The following FRMD4B variants were observed in gnomAD, a reference collection of about 807,000 sequenced individuals.
FRMD4B encodes the protein FERM domain-containing protein 4B.
A neutral mutation model predicts 141.5 loss-of-function variants in FRMD4B; 74 were observed. The ratio of observed to expected loss-of-function variants is 0.52; its 90% CI spans 0.43 to 0.63. FRMD4B has a LOEUF of 0.63. Ranked by LOEUF, FRMD4B falls within the 30% of genes least tolerant of loss-of-function variation. FRMD4B has a pLI of 0.00. For synonymous variants in FRMD4B, 506 were observed against 467.9 expected (o/e 1.08, Z -1.05); for missense variants, 1,366 against 1,253.4 (o/e 1.09, Z -1.36).
chr3:69,310,543 C>T (rs1262391884), intron 3 of FRMD4B: 2 of 442,726 alleles, frequency 4.5e-6, no homozygotes, highest in Non-Finnish European at 8.9e-6. Flanking sequence ...CAGACAGATA[C>T]ACACAGACAA....
At chr3:69,524,768 G>A (rs937311533) in intron 1 of FRMD4B, among the ~76,000 whole-genome samples, 2 of 152,204 alleles carry the variant, frequency 1.3e-5, no homozygotes, top group African/African-American at 4.8e-5. Context: ...TCCTCTCACA[G>A]TCCTTTAGGC....
chr3:69,279,521 A>G (rs2093633779), intron 5 of FRMD4B, among the ~76,000 whole-genome samples: 2 of 152,242 alleles, frequency 1.3e-5, no homozygotes, highest in South Asian at 4.1e-4. Flanking sequence ...GTGCAGTGAC[A>G]TGATCATGGC....
intron 1 of FRMD4B, among the ~76,000 whole-genome samples, chr3:69,484,160 AG>A (rs1184951311): frequency 1.3e-5 from 2 of 152,234 alleles, no homozygotes; most frequent in Non-Finnish European, 2.9e-5. Flanking sequence ...AAATAATCTT[AG>A]TGCATTTATT....
At chr3:69,242,799 C>G (rs1204030371) in intron 7 of FRMD4B, among the ~76,000 whole-genome samples, 1 of 151,348 alleles carries the variant, frequency 6.6e-6, no homozygotes, top group Non-Finnish European at 1.5e-5. Flanking sequence ...TCAACACCAG[C>G]CTGGCCAACA....
intron 21 of FRMD4B, among the ~76,000 whole-genome samples, chr3:69,179,358 G>A (rs1239111806): frequency 6.6e-6 from 1 of 152,108 alleles, no homozygotes; most frequent in Non-Finnish European, 1.5e-5. Flanking sequence ...CTCCTTGTTT[G>A]GTCTTTCCCT....
intron 1 of FRMD4B, among the ~76,000 whole-genome samples, chr3:69,499,287 G>T (rs376988523): frequency 5.1e-4 from 77 of 152,298 alleles, no homozygotes; most frequent in African/African-American, 1.8e-3. Context: ...GCAGTGGGAA[G>T]CCATTGATCC....
At chr3:69,519,528 G>T (rs1700818562) in intron 1 of FRMD4B, among the ~76,000 whole-genome samples, 1 of 152,120 alleles carries the variant, frequency 6.6e-6, no homozygotes, top group African/African-American at 2.4e-5. Flanking sequence ...TCATGCCTCA[G>T]GGAGCCTGCT....
chr3:69,326,762 C>G (rs950604454), intron 1 of FRMD4B, among the ~76,000 whole-genome samples: 2 of 152,194 alleles, frequency 1.3e-5, no homozygotes, highest in African/African-American at 4.8e-5. Context: ...CAGTGAAAAG[C>G]AAGATTCTCT....
chr3:69,447,995 T>C (rs1203535638), intron 1 of FRMD4B, among the ~76,000 whole-genome samples: 1 of 152,134 alleles, frequency 6.6e-6, no homozygotes, highest in East Asian at 1.9e-4. Flanking sequence ...TTATCATAAA[T>C]GCCACTCTCA....
chr3:69,298,186 T>C (rs1052986541), intron 4 of FRMD4B, among the ~76,000 whole-genome samples: 15 of 152,264 alleles, frequency 9.9e-5, no homozygotes, highest in Non-Finnish European at 1.6e-4. Context: ...GAAAACTTCT[T>C]GAGAGCAAGT....
Position 69,193,789 on chromosome 3 carries a change from C to T in FRMD4B, c.1573G>A (p.Asp525Asn). The part of the protein sequence containing the change: ...EAAKKLANEP[D>N]LCKTVKKKRK... The stretch of plus-strand genomic sequence containing the variant: ...TTTTTCTTCACAGTTTTACAAAGGT[C>T]TGGCTCATTGGCAAGTTTCTTTGCA... Residue 525 changes from aspartate to asparagine, a missense_variant, in exon 17 of 23, where the codon GAC becomes AAC. By Grantham distance (23) the Asp-to-Asn change is conservative (BLOSUM62 1). Coordinates refer to ENST00000398540, the MANE Select transcript of FRMD4B (RefSeq NM_015123.3). The T allele has an allele frequency of 6.2e-7, 1 of 1,613,728 alleles. No homozygotes were observed. Among genetic ancestry groups the T allele is most frequent in the South Asian group, 1.1e-5 (1 of 91,076 alleles).
In FRMD4B at chr3:69,520,098, TAA is replaced by T. The variant is rs1182003912; in HGVS notation, c.-129+22106_-129+22107del. ...ATATATATGATGGAATATATATATA[TAA>T]AATGGACTATATATATATGATGGAA... On this transcript the variant is annotated intron_variant, in intron 1 of 5. Coordinates refer to the FRMD4B transcript ENST00000459638. Among the ~76,000 whole-genome samples the T allele has an allele frequency of 2.0e-4, 26 of 127,524 alleles. 2 individuals are homozygous for T. Among genetic ancestry groups the T allele is most frequent in the African/African-American group, 7.4e-4 (21 of 28,222 alleles). The allele number at this position is 127,524 out of a possible 152,430, so 83.7% of individuals were successfully genotyped here.
chr3:69,514,819 T>C (rs1700726374), intron 1 of FRMD4B, among the ~76,000 whole-genome samples: 1 of 152,198 alleles, frequency 6.6e-6, no homozygotes, highest in Non-Finnish European at 1.5e-5. Flanking sequence ...AAACAATCCC[T>C]GTCAAAATCC....
chr3:69,254,479 C>T (rs1559755141), intron 5 of FRMD4B, among the ~76,000 whole-genome samples: 1 of 152,142 alleles, frequency 6.6e-6, no homozygotes, highest in Non-Finnish European at 1.5e-5. Flanking sequence ...ACAAATACCT[C>T]TCCATAGATT....
intron 1 of FRMD4B, among the ~76,000 whole-genome samples, chr3:69,351,997 G>T (rs1224673957): frequency 2.0e-5 from 3 of 152,188 alleles, no homozygotes; most frequent in Admixed American, 2.0e-4. Context: ...CCTGTCTGCA[G>T]CAACCTCCAT....
At chr3:69,379,271 T>G (rs28442175) in intron 1 of FRMD4B, among the ~76,000 whole-genome samples, 103 of 152,278 alleles carry the variant, frequency 6.8e-4, no homozygotes, top group African/African-American at 2.2e-3. Context: ...TTTTAATTTC[T>G]AAGTAATTAT....
intron 18 of FRMD4B, among the ~76,000 whole-genome samples, chr3:69,189,222 C>CAA (rs71115659): frequency 0.022 from 807 of 37,372 alleles, 11 homozygotes; most frequent in African/African-American, 0.026. Context: ...AACTCCATCT[C>CAA]AAAAAAAAAA....
chr3:69,347,509 C>A (rs1245839945), intron 1 of FRMD4B, among the ~76,000 whole-genome samples: 2 of 152,226 alleles, frequency 1.3e-5, no homozygotes, highest in Non-Finnish European at 2.9e-5. Flanking sequence ...AACTCCCCAG[C>A]ACAAATCAAC....
intron 1 of FRMD4B, among the ~76,000 whole-genome samples, chr3:69,503,451 T>C (rs965138214): frequency 2.1e-5 from 3 of 144,772 alleles, no homozygotes; most frequent in African/African-American, 5.2e-5. Flanking sequence ...AACCAAACAC[T>C]GCATGTTCTC....
Sources: gnomAD v4.1 joint callset for allele counts (sites outside exome capture counted in the v4.1 genomes callset) on GRCh38, gnomAD v4.1.1 for gene constraint, MANE v1.5 for transcripts, NCBI Gene and HGNC (gene_info 2026-07-23, HGNC 2026-07-21) for gene names.